FOLH1: variants seen among roughly 807,000 people sequenced by gnomAD.
The protein encoded by FOLH1 is folate hydrolase 1.
FOLH1 carries 54 observed loss-of-function variants against 93.9 expected under a neutral mutation model. The ratio of observed to expected loss-of-function variants is 0.57; its 90% CI spans 0.46 to 0.72. The LOEUF is 0.72. FOLH1 is among the 30% of genes least tolerant of loss of function. The pLI is 0.00. For synonymous variants in FOLH1, 249 were observed against 303.6 expected (o/e 0.82, Z 1.87); for missense variants, 571 against 892.5 (o/e 0.64, Z 4.59).
intron 4 of FOLH1, 95 bp downstream of exon 4, chr11:49,192,698 A>T (rs1862205224): frequency 2.0e-6 from 2 of 976,742 alleles, no homozygotes; most frequent in Non-Finnish European, 2.9e-6. Flanking sequence ...GGATTACATT[A>T]AAAGTCCCTT....
chr11:49,165,239 A>G (rs577074688), intron 12 of FOLH1, among the ~76,000 whole-genome samples: 12 of 152,276 alleles, frequency 7.9e-5, no homozygotes, highest in African/African-American at 2.9e-4. Context: ...AACATAAAAC[A>G]TATTAAGTAC....
intron 3 of FOLH1, among the ~76,000 whole-genome samples, chr11:49,197,255 C>A (rs1242786496): frequency 2.6e-5 from 4 of 152,178 alleles, no homozygotes; most frequent in African/African-American, 4.8e-5. Flanking sequence ...CACCACTATG[C>A]CACACTGAAT....
chr11:49,169,536 A>G (rs1590520865), intron 11 of FOLH1, among the ~76,000 whole-genome samples: 1 of 152,240 alleles, frequency 6.6e-6, no homozygotes, highest in East Asian at 1.9e-4. Context: ...TTTCTTAACC[A>G]TACTGTAGTT....
chr11:49,175,550 G>A (rs1180656116), intron 8 of FOLH1, among the ~76,000 whole-genome samples: 1 of 152,162 alleles, frequency 6.6e-6, no homozygotes. Context: ...GGTGAAGTAA[G>A]AGGTCAGAAT....
chr11:49,153,739 C>T, intron 17 of FOLH1, 107 bp downstream of exon 17: 1 of 771,002 alleles, frequency 1.3e-6, no homozygotes, highest in Non-Finnish European at 1.9e-6. Context: ...AAAAAGAAAA[C>T]AGCAAGAAAT....
intron 7 of FOLH1, 133 bp from the exon 8 acceptor site, chr11:49,176,090 C>G: frequency 1.2e-6 from 1 of 810,518 alleles, no homozygotes. Context: ...GAATATAATA[C>G]GTCATTTAAA....
In FOLH1 at chr11:49,185,771, A is replaced by G; in HGVS notation, c.724T>C (p.Tyr242His). The G allele has an allele frequency of 6.2e-7, 1 of 1,611,302 alleles. No individual in the cohort carries two copies. The highest frequency in any genetic ancestry group is 8.5e-7 in the Non-Finnish European group (1 of 1,179,000). Residue 242 changes from tyrosine to histidine, a missense_variant, in exon 6 of 19, where the codon TAT becomes CAT. This residue lies in a region of FOLH1 where 500 missense variants were observed against 822.9 expected (regional missense o/e 0.61). Coordinates refer to ENST00000256999, the MANE Select transcript of FOLH1 (RefSeq NM_004476.3). ...ADYFAPGVKS[Y>H]PDGWNLPGGG... Reference sequence around the variant, plus strand: ...CCAGGAAGATTCCAACCATCTGGATAGGACTTCACCCCAGGAGCAAAGTAG... The same window carrying G: ...CCAGGAAGATTCCAACCATCTGGATGGGACTTCACCCCAGGAGCAAAGTAG...
In FOLH1 at chr11:49,145,243, A is replaced by T. The variant is rs1855735626; in HGVS notation, c.*1513T>A. On this transcript the variant is annotated 3_prime_UTR_variant, in exon 19 of 19. Transcript: ENST00000256999. ...CGTGTTAATGATGTTAAACTTTGTG[A>T]GTAGAAGGCATTGGAGAGATGTTCC... is the stretch of plus-strand genomic sequence containing the variant. Among the ~76,000 whole-genome samples, 1 of 152,098 alleles carries T rather than the reference A, an allele frequency of 6.6e-6. No individual in the cohort carries two copies. Among genetic ancestry groups the T allele is most frequent in the Non-Finnish European group, 1.5e-5 (1 of 68,010 alleles).
chr11:49,171,354 A>G (rs75515958), intron 10 of FOLH1, 77 bp from the exon 11 acceptor site: 23 of 55,654 alleles, frequency 4.1e-4, no homozygotes, highest in Non-Finnish European at 7.0e-4. Flanking sequence ...CCCAGATTGG[A>G]AAAAAAAAAA....
intron 9 of FOLH1, among the ~76,000 whole-genome samples, chr11:49,174,069 G>T (rs1859701693): frequency 6.6e-6 from 1 of 152,126 alleles, no homozygotes; most frequent in Non-Finnish European, 1.5e-5. Flanking sequence ...TTCACAAACT[G>T]TCAGTTGTTT....
chr11:49,150,287 T>C (rs1351123103), intron 17 of FOLH1, among the ~76,000 whole-genome samples: 2 of 152,168 alleles, frequency 1.3e-5, no homozygotes, highest in Non-Finnish European at 2.9e-5. Context: ...ATAACATACA[T>C]AGCTATGACA....
chr11:49,158,117 A>C, intron 13 of FOLH1, 74 bp from the exon 14 acceptor site: 7 of 1,404,706 alleles, frequency 5.0e-6, no homozygotes, highest in Non-Finnish European at 3.8e-6. Flanking sequence ...CATTAACCAG[A>C]AGTGAGTAAC....
At chr11:49,189,550 A>G (rs947946837) in intron 4 of FOLH1, among the ~76,000 whole-genome samples, 1 of 152,184 alleles carries the variant, frequency 6.6e-6, no homozygotes, top group African/African-American at 2.4e-5. Flanking sequence ...TACTAAACTC[A>G]CCTAAGTTGA....
At chr11:49,171,382 T>A in intron 10 of FOLH1, 105 bp from the exon 11 acceptor site, 1 of 1,359,504 alleles carries the variant, frequency 7.4e-7, no homozygotes, top group Non-Finnish European at 9.8e-7. Flanking sequence ...CATTGATGGT[T>A]TGGGAAGGGC....
At chr11:49,155,853 A>G (rs1054991297) in intron 15 of FOLH1, among the ~76,000 whole-genome samples, 2 of 141,438 alleles carry the variant, frequency 1.4e-5, no homozygotes, top group African/African-American at 5.1e-5. Flanking sequence ...AACAAAAGAA[A>G]GGGAATCATG....
At chr11:49,200,534 T>C (rs569807253) in intron 2 of FOLH1, 93 bp from the exon 3 acceptor site, 1,214 of 1,372,020 alleles carry the variant, frequency 8.8e-4, no homozygotes, top group Non-Finnish European at 1.1e-3. Context: ...ACAAAAGTAC[T>C]TTGAAGTGTG....
chr11:49,153,832 T>A lies in FOLH1; in HGVS notation c.1970+14A>T. On this transcript the variant is annotated intron_variant, in intron 17 of 18. Transcript: ENST00000256999. ...ACACACATACACACATATGCACATA[T>A]ATGTAGAACATACTTGCTTTTGTCA... 2 of 1,575,706 alleles carry A rather than the reference T, an allele frequency of 1.3e-6. No homozygotes were observed. The highest frequency in any genetic ancestry group is 1.7e-6 in the Non-Finnish European group (2 of 1,157,450).
At chr11:49,162,485 C>T (rs1315668330) in intron 13 of FOLH1, among the ~76,000 whole-genome samples, 1 of 152,154 alleles carries the variant, frequency 6.6e-6, no homozygotes, top group South Asian at 2.1e-4. Context: ...ACTGTCAGTT[C>T]CTGCAATGTT....
chr11:49,175,636 T>C (rs923861809), intron 8 of FOLH1, among the ~76,000 whole-genome samples: 3 of 152,166 alleles, frequency 2.0e-5, no homozygotes, highest in African/African-American at 7.2e-5. Flanking sequence ...CACCATACTT[T>C]GGGTTATTCA....
Sources: allele counts gnomAD v4.1 joint callset (sites outside exome capture counted in the v4.1 genomes callset), GRCh38; gene constraint gnomAD v4.1.1; regional missense constraint gnomAD v4.1.1; transcripts MANE v1.5; gene names NCBI Gene and HGNC (gene_info 2026-07-23, HGNC 2026-07-21).